Variants in NELL1 observed in about 807,000 individuals in gnomAD.
NELL1 encodes the protein protein kinase C-binding protein NELL1.
Under a neutral mutation model 107.4 loss-of-function variants are expected in NELL1, and 76 were observed. The ratio of observed to expected loss-of-function variants is 0.71; its 90% CI spans 0.59 to 0.86. NELL1 has a LOEUF of 0.86. Ranked by LOEUF, NELL1 falls within the 40% of genes least tolerant of loss-of-function variation. The pLI, the probability that NELL1 is intolerant of heterozygous loss-of-function variation, is 0.00. For missense variants in NELL1, 1,024 were observed against 1,005.5 expected, an observed-to-expected ratio of 1.02 and a Z score of -0.25; for synonymous variants, 353 against 341.2, an observed-to-expected ratio of 1.03 and a Z score of -0.38.
At chr11:20,908,980 GGGATATTATTCATCCATAAGAAA>G (rs1480916362) in intron 5 of NELL1, among the ~76,000 whole-genome samples, 1 of 152,140 alleles carries the variant, frequency 6.6e-6, no homozygotes, top group Admixed American at 6.5e-5. Context: ...TGTATCCAGT[GGGATATTATTCATCCATAAGAAA>G]GGAATGAAGT....
chr11:21,251,651 GAA>G (rs1858641590), intron 14 of NELL1, among the ~76,000 whole-genome samples: 1 of 151,956 alleles, frequency 6.6e-6, no homozygotes, highest in African/African-American at 2.4e-5. Context: ...TAAGGAAGCT[GAA>G]GTTACCACCA....
chr11:21,230,266 C>G (rs1858011661), intron 14 of NELL1, among the ~76,000 whole-genome samples: 1 of 152,190 alleles, frequency 6.6e-6, no homozygotes, highest in Non-Finnish European at 1.5e-5. Flanking sequence ...TGCCTCCCCA[C>G]TAGGATGTAA....
chr11:21,124,044 C>T (rs1254878837), intron 13 of NELL1, among the ~76,000 whole-genome samples: 1 of 152,110 alleles, frequency 6.6e-6, no homozygotes, highest in African/African-American at 2.4e-5. Flanking sequence ...AATATCCTCA[C>T]ACTCCTTCCC....
intron 12 of NELL1, among the ~76,000 whole-genome samples, chr11:20,977,216 G>T (rs1851654950): frequency 6.6e-6 from 1 of 151,482 alleles, no homozygotes; most frequent in African/African-American, 2.4e-5. Flanking sequence ...GGAAACTAGG[G>T]CCCAGAGAGG....
At chr11:21,232,405 G>A (rs1858087732) in intron 14 of NELL1, among the ~76,000 whole-genome samples, 1 of 151,462 alleles carries the variant, frequency 6.6e-6, no homozygotes, top group South Asian at 2.1e-4. Flanking sequence ...ATCACTAACG[G>A]AATTTATATT....
intron 15 of NELL1, among the ~76,000 whole-genome samples, chr11:21,438,790 G>T (rs982380360): frequency 1.3e-5 from 2 of 151,544 alleles, no homozygotes; most frequent in African/African-American, 4.9e-5. Flanking sequence ...TACAGTTCTG[G>T]GATTTCTGTT....
At chr11:21,144,475 GT>G (rs781623018) in intron 13 of NELL1, among the ~76,000 whole-genome samples, 49 of 152,186 alleles carry the variant, frequency 3.2e-4, no homozygotes, top group Admixed American at 2.0e-4. Flanking sequence ...AAAGCTTTAG[GT>G]TTTCAAATTT....
intron 15 of NELL1, among the ~76,000 whole-genome samples, chr11:21,471,747 A>G (rs991092724): frequency 2.0e-5 from 3 of 152,028 alleles, no homozygotes; most frequent in African/African-American, 4.8e-5. Context: ...ATGAGATACT[A>G]AATAAGTTCT....
chr11:21,155,457 A>G (rs1466718899), intron 13 of NELL1, among the ~76,000 whole-genome samples: 1 of 152,174 alleles, frequency 6.6e-6, no homozygotes, highest in African/African-American at 2.4e-5. Flanking sequence ...CTCTAGGTAA[A>G]TCAGTGTTTA....
intron 12 of NELL1, among the ~76,000 whole-genome samples, chr11:21,020,174 C>T (rs11025877): frequency 0.077 from 11,693 of 152,138 alleles, 1,511 homozygotes; most frequent in African/African-American, 0.27. Flanking sequence ...TTGAATGGTA[C>T]TTGGCACTTA....
chr11:21,136,747 T>A (rs948626043), intron 13 of NELL1, among the ~76,000 whole-genome samples: 12 of 152,120 alleles, frequency 7.9e-5, no homozygotes, highest in African/African-American at 2.7e-4. Flanking sequence ...TGTTATCATC[T>A]TCATCATCAT....
chr11:20,884,089 G>C (rs773417601), intron 4 of NELL1, among the ~76,000 whole-genome samples: 7 of 152,190 alleles, frequency 4.6e-5, no homozygotes, highest in Non-Finnish European at 8.8e-5. Flanking sequence ...GATGTGCTTG[G>C]AGCTTTGCCA....
intron 3 of NELL1, among the ~76,000 whole-genome samples, chr11:20,815,647 C>G (rs551562512): frequency 3.3e-5 from 5 of 152,224 alleles, no homozygotes; most frequent in African/African-American, 1.2e-4. Flanking sequence ...TGCAGATGCT[C>G]TTTAGTTTAG....
intron 16 of NELL1, among the ~76,000 whole-genome samples, chr11:21,542,750 T>TTGGCA (rs905011347): frequency 6.6e-6 from 1 of 152,074 alleles, no homozygotes; most frequent in African/African-American, 2.4e-5. Flanking sequence ...ATTTTTTAAA[T>TTGGCA]GTACTTATTT....
At chr11:20,802,024 C>T (rs561999484) in intron 3 of NELL1, among the ~76,000 whole-genome samples, 65 of 152,216 alleles carry the variant, frequency 4.3e-4, no homozygotes, top group African/African-American at 1.6e-3. Flanking sequence ...TGTGATTCCT[C>T]CAGTTTTCTT....
At chr11:21,259,098 G>C (rs1858841609) in intron 14 of NELL1, among the ~76,000 whole-genome samples, 1 of 151,876 alleles carries the variant, frequency 6.6e-6, no homozygotes, top group Non-Finnish European at 1.5e-5. Context: ...AGAAGCGGGA[G>C]GGGGGCAGTG....
intron 7 of NELL1, among the ~76,000 whole-genome samples, chr11:20,921,959 T>G (rs1270573748): frequency 6.6e-6 from 1 of 152,124 alleles, no homozygotes; most frequent in African/African-American, 2.4e-5. Flanking sequence ...AAAGGCCAGG[T>G]GAAGTCTCAG....
intron 2 of NELL1, among the ~76,000 whole-genome samples, chr11:20,782,038 C>G (rs1238142120): frequency 7.7e-6 from 1 of 129,648 alleles, no homozygotes; most frequent in Non-Finnish European, 1.6e-5. Flanking sequence ...AGACCCTCAT[C>G]TCAAAAAAAA....
intron 14 of NELL1, among the ~76,000 whole-genome samples, chr11:21,357,925 T>C (rs568860084): frequency 6.6e-6 from 1 of 152,346 alleles, no homozygotes; most frequent in Admixed American, 6.5e-5. Context: ...TTTATGTTTT[T>C]GTTTGCTTTG....
Sources: gnomAD v4.1 joint callset for allele counts (sites outside exome capture counted in the v4.1 genomes callset) on GRCh38, gnomAD v4.1.1 for gene constraint, MANE v1.5 for transcripts, NCBI Gene and HGNC (gene_info 2026-07-23, HGNC 2026-07-21) for gene names.